Variants in PIK3C2G observed in about 807,000 individuals in gnomAD.
PIK3C2G encodes phosphatidylinositol-4-phosphate 3-kinase catalytic subunit type 2 gamma.
PIK3C2G carries 168 observed loss-of-function variants against 181.1 expected under a neutral mutation model. That is an observed-to-expected ratio of 0.93 (90% CI 0.82 to 1.05). The LOEUF is 1.05. Among genes scored for constraint, PIK3C2G ranks in the 50% least tolerant of loss-of-function variants. The pLI is 0.00. For synonymous variants in PIK3C2G, 573 were observed against 592.2 expected, an observed-to-expected ratio of 0.97 and a Z score of 0.47; for missense variants, 1,869 against 1,732.8, an observed-to-expected ratio of 1.08 and a Z score of -1.40.
At chr12:18,681,363 C>T in the PIK3C2G span, among the ~76,000 whole-genome samples, 1 of 152,018 alleles carries the variant, frequency 6.6e-6, no homozygotes, top group Non-Finnish European at 1.5e-5. Flanking sequence ...CTCAAGGGTT[C>T]ATTTAGCCTT....
intron 7 of PIK3C2G, among the ~76,000 whole-genome samples, chr12:18,324,574 G>A (rs886237136): frequency 6.6e-6 from 1 of 152,208 alleles, no homozygotes; most frequent in Non-Finnish European, 1.5e-5. Flanking sequence ...AGCAGTAAGA[G>A]AAGCTTAGGA....
At chr12:18,720,223 C>A in the PIK3C2G span, among the ~76,000 whole-genome samples, 1 of 151,946 alleles carries the variant, frequency 6.6e-6, no homozygotes, top group South Asian at 2.1e-4. Context: ...TTACAGTATT[C>A]CATTGTATGA....
upstream of PIK3C2G, among the ~76,000 whole-genome samples, chr12:18,243,589 G>A (rs1948007579): frequency 6.6e-6 from 1 of 151,980 alleles, no homozygotes; most frequent in South Asian, 2.1e-4. Flanking sequence ...ATTAGTGAGA[G>A]TAGACACTAA....
At chr12:18,715,186 A>G in the PIK3C2G span, among the ~76,000 whole-genome samples, 45 of 722 alleles carry the variant, frequency 0.062, 1 homozygote, top group Non-Finnish European at 0.19. Flanking sequence ...GGGGGGGCGG[A>G]GGGAGGGAGA....
intron 26 of PIK3C2G, among the ~76,000 whole-genome samples, chr12:18,555,257 C>T (rs895951304): frequency 1.3e-5 from 2 of 152,148 alleles, no homozygotes; most frequent in African/African-American, 4.8e-5. Flanking sequence ...CTGCCAATGG[C>T]ATCGTAGTCA....
At chr12:18,619,607 T>G (rs1319377102) in intron 31 of PIK3C2G, among the ~76,000 whole-genome samples, 1 of 152,152 alleles carries the variant, frequency 6.6e-6, no homozygotes, top group African/African-American at 2.4e-5. Flanking sequence ...TCCCTTTTGA[T>G]TTTTTCTTTG....
intron 2 of PIK3C2G, among the ~76,000 whole-genome samples, chr12:18,285,661 G>T (rs1463886277): frequency 6.6e-6 from 1 of 151,754 alleles, no homozygotes; most frequent in Non-Finnish European, 1.5e-5. Context: ...TATATTAAGG[G>T]TGTATATTGC....
intron 13 of PIK3C2G, among the ~76,000 whole-genome samples, chr12:18,371,889 T>A (rs1304431278): frequency 6.6e-6 from 1 of 152,130 alleles, no homozygotes; most frequent in African/African-American, 2.4e-5. Flanking sequence ...TTACATGATG[T>A]TCTATGGTAT....
chr12:18,348,596 A>G lies in PIK3C2G; in HGVS notation c.1625+1760A>G, dbSNP rs949782860. Among the ~76,000 whole-genome samples the G allele has an allele frequency of 1.1e-4, 17 of 152,208 alleles. 1 individual carries two copies. The highest frequency in any genetic ancestry group is 4.4e-5 in the Non-Finnish European group (3 of 68,038). On this transcript the variant is annotated intron_variant, in intron 11 of 32. Transcript: ENST00000538779. ...TGGAACAAACTATAAAGGGCTGGACATGGGAAAACATGAAGCTATTCCTGT... is the reference window on the plus strand; with the variant it reads ...TGGAACAAACTATAAAGGGCTGGACGTGGGAAAACATGAAGCTATTCCTGT...
At chr12:18,603,981 A>G (rs1421387709) in intron 30 of PIK3C2G, among the ~76,000 whole-genome samples, 2 of 151,806 alleles carry the variant, frequency 1.3e-5, no homozygotes, top group African/African-American at 4.8e-5. Flanking sequence ...TAAAACAAAC[A>G]AAAAAAACAA....
chr12:18,269,457 C>T (rs1196635213), intron 1 of PIK3C2G, among the ~76,000 whole-genome samples: 4 of 152,084 alleles, frequency 2.6e-5, no homozygotes, highest in African/African-American at 9.7e-5. Flanking sequence ...CATTATCTCC[C>T]CTAGGTTTTC....
chr12:18,349,166 C>G (rs1328317511), intron 11 of PIK3C2G, among the ~76,000 whole-genome samples: 1 of 152,158 alleles, frequency 6.6e-6, no homozygotes, highest in African/African-American at 2.4e-5. Context: ...TATACCACTA[C>G]TTCTGCCATA....
Position 18,538,183 on chromosome 12 carries a change from A to G in PIK3C2G, c.3351A>G (p.Ser1117=). The G allele has an allele frequency of 6.2e-7, 1 of 1,611,730 alleles. No individual in the cohort carries two copies. The highest frequency in any genetic ancestry group is 8.5e-7 in the Non-Finnish European group (1 of 1,178,820). Residue 1117 remains serine, a synonymous_variant, in exon 25 of 33, where the codon TCA becomes TCG. Coordinates refer to ENST00000538779, the MANE Select transcript of PIK3C2G (RefSeq NM_001288772.2). The stretch of plus-strand genomic sequence containing the variant: ...ACCGAGCTCCTTTCATTTTTACTTC[A>G]GAGATGGAATACTTTATTACAGAGG... The part of the protein sequence containing the change: ...KRDRAPFIFT[S]EMEYFITEGG...
chr12:18,623,422 C>A (rs1341757248), intron 31 of PIK3C2G, among the ~76,000 whole-genome samples: 1 of 151,768 alleles, frequency 6.6e-6, no homozygotes, highest in East Asian at 1.9e-4. Flanking sequence ...CCAGTACTAG[C>A]TGTTTAATTA....
At chr12:18,541,733 AT>A (rs1431886213) in intron 25 of PIK3C2G, among the ~76,000 whole-genome samples, 3 of 151,798 alleles carry the variant, frequency 2.0e-5, no homozygotes, top group Non-Finnish European at 4.4e-5. Context: ...TTCCCTTGGT[AT>A]TGCCCCAATT....
At chr12:18,293,727 T>C (rs1050201820) in intron 4 of PIK3C2G, among the ~76,000 whole-genome samples, 174 bp from the exon 5 acceptor site, 1 of 152,160 alleles carries the variant, frequency 6.6e-6, no homozygotes, top group Non-Finnish European at 1.5e-5. Context: ...TCCCCAAATA[T>C]CTTTAAATCT....
upstream of PIK3C2G, among the ~76,000 whole-genome samples, chr12:18,257,706 A>C (rs575668092): frequency 1.4e-5 from 2 of 144,738 alleles, no homozygotes; most frequent in East Asian, 4.0e-4. Context: ...AAGAAGACAA[A>C]GGAGACAGGA....
chr12:18,726,270 G>A, the PIK3C2G span, among the ~76,000 whole-genome samples: 7 of 152,172 alleles, frequency 4.6e-5, no homozygotes, highest in South Asian at 4.2e-4. Flanking sequence ...AAAATGTTTC[G>A]TATTAATCAT....
the PIK3C2G span, among the ~76,000 whole-genome samples, chr12:18,726,280 T>C: frequency 6.6e-6 from 1 of 152,330 alleles, no homozygotes; most frequent in South Asian, 2.1e-4. Flanking sequence ...GTATTAATCA[T>C]TAAACATACA....
Sources: gnomAD v4.1 joint callset for allele counts (sites outside exome capture counted in the v4.1 genomes callset) on GRCh38, gnomAD v4.1.1 for gene constraint, MANE v1.5 for transcripts, NCBI Gene and HGNC (gene_info 2026-07-23, HGNC 2026-07-21) for gene names.